Variants in USP24 observed in about 807,000 individuals in gnomAD.
The protein encoded by USP24 is ubiquitin specific peptidase 24.
A neutral mutation model predicts 361.6 loss-of-function variants in USP24; 97 were observed. The observed-to-expected ratio is 0.27, with a 90% confidence interval of 0.23 to 0.32. The LOEUF (loss-of-function observed/expected upper bound fraction) is 0.32, where lower values mean the gene tolerates loss of function less well. USP24 is among the 10% of genes least tolerant of loss of function. USP24 has a pLI of 1.00. For missense variants in USP24, 2,353 were observed against 3,165.6 expected (o/e 0.74, Z 6.16); for synonymous variants, 1,098 against 1,124.6 (o/e 0.98, Z 0.47).
At chr1:55,196,175 C>T (rs965074886) in intron 1 of USP24, among the ~76,000 whole-genome samples, 1 of 152,066 alleles carries the variant, frequency 6.6e-6, no homozygotes. Context: ...TTCCAGGACA[C>T]AGTTCTCATT....
chr1:55,159,119 T>C (rs909136182), intron 9 of USP24, 83 bp from the exon 10 acceptor site: 6 of 1,211,982 alleles, frequency 5.0e-6, no homozygotes, highest in East Asian at 2.8e-5. Context: ...CACAAGAATA[T>C]AGGGTAACAG....
chr1:55,125,725 G>C lies in USP24; in HGVS notation c.3669C>G (p.Ile1223Met), dbSNP rs1233064575. 1.3e-6 allele frequency: 2 copies of C among 1,594,148 alleles called. No homozygotes were observed. The highest frequency in any genetic ancestry group is 2.7e-5 in the African/African-American group (2 of 74,776). Reference protein sequence around the residue: ...LVVNVMQRDSIPSEVDYETRQ... With the variant: ...LVVNVMQRDSMPSEVDYETRQ... ...TTGTTTCATAGTCTACTTCTGATGG[G>C]ATGGAGTCTCTCTGCATGACATTTA... Residue 1223 changes from isoleucine to methionine, a missense_variant, in exon 33 of 68, where the codon ATC becomes ATG. Ile to Met is a conservative substitution (Grantham distance 10, BLOSUM62 1). Transcript: ENST00000294383.
At position 55,175,157 on chromosome 1, in the gene USP24, T is replaced by C. The variant is rs1164686383; in HGVS notation, c.558+1219A>G. 3.3e-5 allele frequency among the ~76,000 whole-genome samples: 5 copies of C among 151,632 alleles called. No homozygotes were observed. In the East Asian group the frequency reaches 9.6e-4, roughly 29 times the overall value. ...TTAAGGCTTGAATCAAGGGAGATTC[T>C]GCCTACCAAAATGCAACTGGGAATA... On this transcript the variant is annotated intron_variant, in intron 3 of 67. Transcript: ENST00000294383.
chr1:55,129,661 G>A, intron 31 of USP24, 87 bp from the exon 32 acceptor site: 1 of 1,037,920 alleles, frequency 9.6e-7, no homozygotes. Context: ...GACAACTTGA[G>A]TTAGAATCTC....
intron 32 of USP24, among the ~76,000 whole-genome samples, chr1:55,127,720 C>T (rs1427047660): frequency 6.6e-6 from 1 of 152,212 alleles, no homozygotes; most frequent in Non-Finnish European, 1.5e-5. Flanking sequence ...CACATCCTCT[C>T]CAGCACCTGT....
chr1:55,179,164 T>C (rs554468230), intron 1 of USP24, among the ~76,000 whole-genome samples: 1 of 152,324 alleles, frequency 6.6e-6, no homozygotes, highest in Admixed American at 6.5e-5. Context: ...ACCTTACCTC[T>C]CAGGAGTATC....
chr1:55,129,927 C>T (rs897949022), intron 31 of USP24, among the ~76,000 whole-genome samples: 1 of 152,144 alleles, frequency 6.6e-6, no homozygotes, highest in African/African-American at 2.4e-5. Flanking sequence ...TATAAAACAG[C>T]CCATATATTA....
chr1:55,208,970 T>C (rs909340836), intron 1 of USP24, among the ~76,000 whole-genome samples: 1 of 151,952 alleles, frequency 6.6e-6, no homozygotes, highest in Non-Finnish European at 1.5e-5. Flanking sequence ...AACCCAATAA[T>C]GTCACCTACT....
intron 4 of USP24, 108 bp from the exon 5 acceptor site, chr1:55,171,786 G>T: frequency 8.1e-7 from 1 of 1,228,686 alleles, no homozygotes; most frequent in Non-Finnish European, 1.1e-6. Context: ...TCATTAATGG[G>T]ATCTTTCAAG....
chr1:55,183,187 T>C (rs1437840063), intron 1 of USP24, among the ~76,000 whole-genome samples: 1 of 152,230 alleles, frequency 6.6e-6, no homozygotes, highest in Non-Finnish European at 1.5e-5. Context: ...TCAAAGGATT[T>C]AGTACTGGAT....
intron 15 of USP24, 92 bp downstream of exon 15, chr1:55,154,027 T>C (rs1647367789): frequency 1.9e-6 from 3 of 1,584,078 alleles, no homozygotes; most frequent in African/African-American, 1.4e-5. Flanking sequence ...TTTAGTTTAA[T>C]TTACATAACA....
Position 55,124,463 on chromosome 1 carries a change from C to T in USP24, c.4120+6G>A. ...GTTCTCATTACTGTCTCTTTTTAATCAGTACCTGAACTGCTGAGTCTGTTT... is the reference window on the plus strand; with the variant it reads ...GTTCTCATTACTGTCTCTTTTTAATTAGTACCTGAACTGCTGAGTCTGTTT... On this transcript the variant is annotated splice_donor_region_variant and intron_variant, in intron 35 of 67. Transcript: ENST00000294383. The T allele has an allele frequency of 6.2e-7, 1 of 1,607,248 alleles. No homozygotes were observed. The highest frequency in any genetic ancestry group is 2.2e-5 in the East Asian group (1 of 44,810).
chr1:55,096,290 G>A (rs184986797), intron 50 of USP24, among the ~76,000 whole-genome samples: 1 of 152,054 alleles, frequency 6.6e-6, no homozygotes, highest in African/African-American at 2.4e-5. Flanking sequence ...CAAGGTTGTT[G>A]TAAGAAATTA....
chr1:55,202,138 G>A (rs908900346), intron 1 of USP24, among the ~76,000 whole-genome samples: 4 of 152,066 alleles, frequency 2.6e-5, no homozygotes, highest in Non-Finnish European at 5.9e-5. Flanking sequence ...TATTCACCAT[G>A]CTTTATTTTT....
chr1:55,154,349 A>C, intron 14 of USP24, 22 bp downstream of exon 14: 1 of 1,555,766 alleles, frequency 6.4e-7, no homozygotes. Context: ...TGTAGCTAGA[A>C]AAATCCATTT....
chr1:55,150,139 C>A (rs1412591489), intron 16 of USP24, among the ~76,000 whole-genome samples: 2 of 152,082 alleles, frequency 1.3e-5, no homozygotes, highest in Non-Finnish European at 1.5e-5. Context: ...AGAGAACAAG[C>A]ACACAAAACT....
At chr1:55,074,350 T>C (rs950652827) in intron 63 of USP24, among the ~76,000 whole-genome samples, 5 of 152,170 alleles carry the variant, frequency 3.3e-5, no homozygotes, top group South Asian at 2.1e-4. Context: ...TAAACATAAA[T>C]AGGCCGGGCA....
Position 55,071,573 on chromosome 1 carries a change from G to C in USP24, c.7800+241C>G, listed in dbSNP as rs181782208. On this transcript the variant is annotated intron_variant, in intron 67 of 67. Coordinates refer to ENST00000294383, the MANE Select transcript of USP24 (RefSeq NM_015306.3). ...ATCGGGACTACCTGCAGGCTGATCA[G>C]GGTGGCCAGCCACAAACACCTCGAG... 1.1e-3 allele frequency: 1,413 copies of C among 1,316,130 alleles called. 13 individuals are homozygous for C. The African/African-American group carries it at 0.015, about 14-fold the overall frequency. The allele number at this position is 1,316,130 out of a possible 1,614,324, so 81.5% of individuals were successfully genotyped here.
intron 54 of USP24, 124 bp downstream of exon 54, chr1:55,091,899 T>G (rs1443255822): frequency 2.9e-6 from 2 of 681,368 alleles, no homozygotes; most frequent in Non-Finnish European, 4.9e-6. Context: ...CTAGAGACCA[T>G]GTCTTAGTCC....
Sources: allele counts gnomAD v4.1 joint callset (sites outside exome capture counted in the v4.1 genomes callset), GRCh38; gene constraint gnomAD v4.1.1; transcripts MANE v1.5; gene names NCBI Gene and HGNC (gene_info 2026-07-23, HGNC 2026-07-21).